FARS2: variants seen among roughly 807,000 people sequenced by gnomAD.
FARS2 encodes phenylalanine--tRNA ligase, mitochondrial.
Under a neutral mutation model 46.4 loss-of-function variants are expected in FARS2, and 40 were observed. The ratio of observed to expected loss-of-function variants is 0.86; its 90% CI spans 0.67 to 1.12. FARS2 has a LOEUF of 1.12. Among genes scored for constraint, FARS2 ranks in the 50% most tolerant of loss-of-function variants. FARS2 has a pLI of 0.00. For missense variants in FARS2, 513 were observed against 567.9 expected, an observed-to-expected ratio of 0.90 and a Z score of 0.98; for synonymous variants, 234 against 214.9, an observed-to-expected ratio of 1.09 and a Z score of -0.78.
At chr6:5,286,328 T>A (rs1042121153) in intron 1 of FARS2, among the ~76,000 whole-genome samples, 4 of 152,148 alleles carry the variant, frequency 2.6e-5, no homozygotes, top group Non-Finnish European at 5.9e-5. Flanking sequence ...AGGGGTGTGA[T>A]CTTGGCTCAC....
chr6:5,752,417 A>G (rs1314216291), intron 6 of FARS2, among the ~76,000 whole-genome samples: 5 of 152,222 alleles, frequency 3.3e-5, no homozygotes, highest in Non-Finnish European at 7.3e-5. Context: ...ATCAGCACAG[A>G]GCAACTTGAT....
chr6:5,295,849 G>C (rs1283480102), intron 1 of FARS2, among the ~76,000 whole-genome samples: 3 of 152,070 alleles, frequency 2.0e-5, no homozygotes, highest in African/African-American at 7.2e-5. Flanking sequence ...ATGTTTTGTC[G>C]CAGAAGGTAT....
At chr6:5,511,431 C>T (rs1434292524) in intron 4 of FARS2, among the ~76,000 whole-genome samples, 1 of 152,172 alleles carries the variant, frequency 6.6e-6, no homozygotes, top group African/African-American at 2.4e-5. Context: ...GCACAAGGCT[C>T]TTAAACACAT....
At chr6:5,591,584 C>T (rs1160190322) in intron 5 of FARS2, among the ~76,000 whole-genome samples, 2 of 152,238 alleles carry the variant, frequency 1.3e-5, no homozygotes, top group African/African-American at 2.4e-5. Context: ...ACATAAAACT[C>T]ATTCATCTAT....
intron 6 of FARS2, among the ~76,000 whole-genome samples, chr6:5,620,908 G>A (rs1217470250): frequency 2.6e-5 from 4 of 152,258 alleles, no homozygotes; most frequent in Non-Finnish European, 1.5e-5. Context: ...TAGGTTTACT[G>A]TTCTTACACA....
At chr6:5,263,673 C>T (rs1186530040) in intron 1 of FARS2, among the ~76,000 whole-genome samples, 2 of 152,130 alleles carry the variant, frequency 1.3e-5, no homozygotes, top group Non-Finnish European at 2.9e-5. Context: ...ATTTAGGCAT[C>T]AAAACGTAAA....
intron 4 of FARS2, among the ~76,000 whole-genome samples, chr6:5,501,493 T>TTTTA (rs1298166453): frequency 4.6e-5 from 7 of 151,948 alleles, no homozygotes; most frequent in East Asian, 3.9e-4. Context: ...TTTATTTTAT[T>TTTTA]TTTATTTATT....
chr6:5,610,236 C>T (rs1400242486), intron 5 of FARS2: 1 of 521,532 alleles, frequency 1.9e-6, no homozygotes, highest in East Asian at 2.9e-5. Flanking sequence ...GATGTTTTTT[C>T]AGCAGCATCC....
At chr6:5,655,000 T>C (rs539842299) in intron 6 of FARS2, among the ~76,000 whole-genome samples, 2 of 152,358 alleles carry the variant, frequency 1.3e-5, no homozygotes, top group South Asian at 4.1e-4. Context: ...CAGTATAGTA[T>C]ATAATACATA....
rs528274871 is a variant in FARS2 at position 5,558,535 on chromosome 6, A to G, written c.1065+13195A>G. Among the ~76,000 whole-genome samples the G allele has an allele frequency of 1.6e-4, 25 of 151,840 alleles. 1 individual carries two copies. The South Asian group carries it at 2.5e-3, about 15-fold the overall frequency. On this transcript the variant is annotated intron_variant, in intron 5 of 6. Transcript: ENST00000274680. ...AGAGAAGAATTTATTTTATTTAATTATTTATTTGTTTATTTTTTTGAGACG... is the reference window on the plus strand; with the variant it reads ...AGAGAAGAATTTATTTTATTTAATTGTTTATTTGTTTATTTTTTTGAGACG...
At chr6:5,763,888 C>T (rs1272873930) in intron 6 of FARS2, among the ~76,000 whole-genome samples, 2 of 151,822 alleles carry the variant, frequency 1.3e-5, no homozygotes, top group African/African-American at 4.8e-5. Context: ...ACTGTTGCAG[C>T]CAAAGCTAAC....
intron 6 of FARS2, among the ~76,000 whole-genome samples, chr6:5,627,590 G>A (rs1032447731): frequency 2.6e-5 from 4 of 152,170 alleles, no homozygotes; most frequent in African/African-American, 9.7e-5. Context: ...CCATTTCTCT[G>A]TTATAGCAAT....
At chr6:5,595,794 C>T (rs1055691831) in intron 5 of FARS2, among the ~76,000 whole-genome samples, 2 of 152,162 alleles carry the variant, frequency 1.3e-5, no homozygotes, top group African/African-American at 4.8e-5. Flanking sequence ...TCCCCACTGG[C>T]AACACCATGA....
At chr6:5,349,992 A>G (rs1175332978) in intron 1 of FARS2, among the ~76,000 whole-genome samples, 1 of 151,612 alleles carries the variant, frequency 6.6e-6, no homozygotes, top group African/African-American at 2.4e-5. Flanking sequence ...GTTGACTTTG[A>G]TCACCTGGCA....
rs997601814 is a variant in FARS2, at chr6:5,629,717, T to C, written c.1217+16397T>C. 1.2e-4 allele frequency among the ~76,000 whole-genome samples: 18 copies of C among 152,028 alleles called. 1 individual carries two copies. Among genetic ancestry groups the C allele is most frequent in the Non-Finnish European group, 2.9e-5 (2 of 68,012 alleles). ...GTAAGGTTGGTGGTTGGAAAACAGGTCAAGGAAAAATTTAATAAATAGTCT... is the reference window on the plus strand; with the variant it reads ...GTAAGGTTGGTGGTTGGAAAACAGGCCAAGGAAAAATTTAATAAATAGTCT... On this transcript the variant is annotated intron_variant, in intron 6 of 6. Transcript: ENST00000274680.
At chr6:5,734,232 C>T (rs1435907834) in intron 6 of FARS2, among the ~76,000 whole-genome samples, 1 of 152,180 alleles carries the variant, frequency 6.6e-6, no homozygotes, top group Non-Finnish European at 1.5e-5. Flanking sequence ...TCCTGCCCCC[C>T]GCAGACCAGC....
intron 1 of FARS2, among the ~76,000 whole-genome samples, chr6:5,283,370 G>C (rs1286382907): frequency 8.8e-6 from 1 of 113,854 alleles, no homozygotes; most frequent in Non-Finnish European, 1.8e-5. Context: ...TGAAACTCCT[G>C]TCTCAAAAAA....
At chr6:5,498,612 A>AT (rs201741167) in intron 4 of FARS2, among the ~76,000 whole-genome samples, 69 of 149,246 alleles carry the variant, frequency 4.6e-4, no homozygotes, top group East Asian at 1.2e-3. Context: ...TGATCCATGT[A>AT]TTTTTTTTTT....
chr6:5,272,187 T>A (rs1285216704), intron 1 of FARS2, among the ~76,000 whole-genome samples: 1 of 152,122 alleles, frequency 6.6e-6, no homozygotes, highest in East Asian at 1.9e-4. Flanking sequence ...AAGATCACGA[T>A]TTTCGTTATG....
Sources: allele counts gnomAD v4.1 joint callset (sites outside exome capture counted in the v4.1 genomes callset), GRCh38; gene constraint gnomAD v4.1.1; transcripts MANE v1.5; gene names NCBI Gene and HGNC (gene_info 2026-07-23, HGNC 2026-07-21).